Variants in IPCEF1 observed in about 807,000 individuals in gnomAD.
The protein encoded by IPCEF1 is interactor protein for cytohesin exchange factors 1.
Under a neutral mutation model 50.9 loss-of-function variants are expected in IPCEF1, and 31 were observed. The ratio of observed to expected loss-of-function variants is 0.61; its 90% CI spans 0.46 to 0.82. The LOEUF (loss-of-function observed/expected upper bound fraction) is 0.82, where lower values mean the gene tolerates loss of function less well. Ranked by LOEUF, IPCEF1 falls within the 40% of genes least tolerant of loss-of-function variation. The probability of loss-of-function intolerance (pLI) is 0.00; values close to 1 mark genes in which losing one functional copy is unlikely to be tolerated. For missense variants in IPCEF1, 458 were observed against 514.0 expected, an observed-to-expected ratio of 0.89 and a Z score of 1.05; for synonymous variants, 181 against 192.0, an observed-to-expected ratio of 0.94 and a Z score of 0.47.
intron 2 of IPCEF1, among the ~76,000 whole-genome samples, chr6:154,269,266 C>T (rs1781837733): frequency 6.6e-6 from 1 of 152,114 alleles, no homozygotes; most frequent in South Asian, 2.1e-4. Flanking sequence ...TAGAAAGCTC[C>T]TTCCCAATCT....
intron 9 of IPCEF1, among the ~76,000 whole-genome samples, chr6:154,204,302 G>A (rs1200244688): frequency 1.3e-5 from 2 of 152,144 alleles, no homozygotes; most frequent in Non-Finnish European, 2.9e-5. Context: ...CCCAAACCCT[G>A]TAATTAGGCA....
chr6:154,172,510 C>A (rs1183083382), intron 10 of IPCEF1, among the ~76,000 whole-genome samples: 2 of 152,232 alleles, frequency 1.3e-5, no homozygotes, highest in African/African-American at 4.8e-5. Flanking sequence ...CTCGGTGGGT[C>A]CCACACCCAT....
At chr6:154,231,378 C>A (rs965144797) in intron 5 of IPCEF1, among the ~76,000 whole-genome samples, 1 of 152,132 alleles carries the variant, frequency 6.6e-6, no homozygotes, top group African/African-American at 2.4e-5. Flanking sequence ...GCCCATTGAC[C>A]CAGAAATTCC....
chr6:154,345,584 T>C (rs896141754), intron 1 of IPCEF1, among the ~76,000 whole-genome samples: 2 of 152,228 alleles, frequency 1.3e-5, no homozygotes, highest in Admixed American at 1.3e-4. Context: ...AACCACTTTT[T>C]GTTCTTTCAT....
chr6:154,249,678 C>T (rs1781288461), intron 3 of IPCEF1, among the ~76,000 whole-genome samples: 1 of 152,038 alleles, frequency 6.6e-6, no homozygotes, highest in Non-Finnish European at 1.5e-5. Flanking sequence ...ATGCTCCTTC[C>T]ATCGCTCCCA....
chr6:154,266,346 C>A (rs1781752769), intron 2 of IPCEF1, among the ~76,000 whole-genome samples: 1 of 151,932 alleles, frequency 6.6e-6, no homozygotes, highest in African/African-American at 2.4e-5. Context: ...AATGGCACCA[C>A]TGCACTCCAG....
Position 154,197,996 on chromosome 6 carries a change from C to A in IPCEF1, c.910+1672G>T, listed in dbSNP as rs189603427. On this transcript the variant is annotated intron_variant, in intron 10 of 11. Coordinates refer to ENST00000367220, the MANE Select transcript of IPCEF1 (RefSeq NM_001130700.2). ...GCATCAAGATAGAGGTCATCTAGTT[C>A]AAGATGCTTAAATTCTCTCTTCAGT... Among the ~76,000 whole-genome samples, 728 of 152,250 alleles carry A rather than the reference C, an allele frequency of 4.8e-3. 2 individuals are homozygous for A. The highest frequency in any genetic ancestry group is 0.017 in the African/African-American group (689 of 41,524).
rs371481817 is a variant in IPCEF1 at position 154,251,449 on chromosome 6, G to A, written c.37-3961C>T. Reference sequence around the variant, plus strand: ...AAAGCTTAATAATCATATCATGCTCGCATGTGCCAGGCGCTGCTCTGAGTC... The same window carrying A: ...AAAGCTTAATAATCATATCATGCTCACATGTGCCAGGCGCTGCTCTGAGTC... On this transcript the variant is annotated intron_variant, in intron 3 of 11. Coordinates refer to ENST00000367220, the MANE Select transcript of IPCEF1 (RefSeq NM_001130700.2). 4.6e-5 allele frequency among the ~76,000 whole-genome samples: 7 copies of A among 152,234 alleles called. No homozygotes were observed. The South Asian group carries it at 8.3e-4, about 18-fold the overall frequency.
chr6:154,319,048 C>T (rs531350595), intron 1 of IPCEF1, among the ~76,000 whole-genome samples: 1 of 152,258 alleles, frequency 6.6e-6, no homozygotes, highest in South Asian at 2.1e-4. Context: ...TAACTAATAT[C>T]TTAGATTTAA....
intron 10 of IPCEF1, among the ~76,000 whole-genome samples, chr6:154,192,945 T>C (rs951838307): frequency 4.6e-5 from 7 of 152,184 alleles, no homozygotes; most frequent in Non-Finnish European, 1.0e-4. Flanking sequence ...AACCACACTA[T>C]GGAAAACAGT....
intron 9 of IPCEF1, among the ~76,000 whole-genome samples, chr6:154,205,286 T>A (rs185534797): frequency 2.6e-4 from 40 of 152,054 alleles, no homozygotes; most frequent in Admixed American, 1.4e-3. Context: ...TATTTTTTTT[T>A]AATAAAAACA....
intron 1 of IPCEF1, among the ~76,000 whole-genome samples, chr6:154,330,811 G>A (rs921671925): frequency 6.6e-6 from 1 of 152,164 alleles, no homozygotes; most frequent in Admixed American, 6.5e-5. Flanking sequence ...AGGCAAAATA[G>A]TCTGGCTTAG....
intron 2 of IPCEF1, among the ~76,000 whole-genome samples, chr6:154,282,981 A>G (rs1782261511): frequency 6.6e-6 from 1 of 152,050 alleles, no homozygotes; most frequent in Non-Finnish European, 1.5e-5. Context: ...AAAATACTCA[A>G]TCCCACAAAT....
chr6:154,221,109 A>G (rs372586033), intron 7 of IPCEF1, 148 bp downstream of exon 7: 1 of 602,660 alleles, frequency 1.7e-6, no homozygotes. Flanking sequence ...AGAAAGCACG[A>G]AGGCATTGTA....
chr6:154,307,688 C>A (rs148256828), intron 1 of IPCEF1, among the ~76,000 whole-genome samples: 1 of 152,194 alleles, frequency 6.6e-6, no homozygotes, highest in African/African-American at 2.4e-5. Flanking sequence ...AAATACTAGA[C>A]AATTTATTTA....
chr6:154,230,287 T>C (rs901655400), intron 5 of IPCEF1, among the ~76,000 whole-genome samples: 14 of 152,192 alleles, frequency 9.2e-5, no homozygotes, highest in Non-Finnish European at 4.4e-5. Flanking sequence ...CAGATGGGGA[T>C]ATTGATAATG....
intron 4 of IPCEF1, 62 bp downstream of exon 4, chr6:154,247,386 CG>C (rs1781144305): frequency 7.4e-7 from 1 of 1,345,678 alleles, no homozygotes; most frequent in African/African-American, 1.4e-5. Flanking sequence ...GAAGGCACCC[CG>C]GAGAAAAGCC....
chr6:154,220,857 C>T (rs1026265154), intron 7 of IPCEF1, among the ~76,000 whole-genome samples: 32 of 152,206 alleles, frequency 2.1e-4, no homozygotes, highest in African/African-American at 1.9e-4. Flanking sequence ...GTGATAAATA[C>T]GTGAATCATC....
At chr6:154,309,092 G>C (rs1309171085) in intron 1 of IPCEF1, among the ~76,000 whole-genome samples, 1 of 152,114 alleles carries the variant, frequency 6.6e-6, no homozygotes, top group Non-Finnish European at 1.5e-5. Flanking sequence ...GCTAAAATAA[G>C]TTGTCTCTTT....
Sources: allele counts gnomAD v4.1 joint callset (sites outside exome capture counted in the v4.1 genomes callset), GRCh38; gene constraint gnomAD v4.1.1; transcripts MANE v1.5; gene names NCBI Gene and HGNC (gene_info 2026-07-23, HGNC 2026-07-21).